SLC36A3: variants seen among roughly 807,000 people sequenced by gnomAD.
SLC36A3 encodes proton-coupled amino acid transporter 3.
SLC36A3 carries 35 observed loss-of-function variants against 44.3 expected under a neutral mutation model. The observed-to-expected ratio is 0.79, with a 90% CI of 0.60 to 1.05. The LOEUF (loss-of-function observed/expected upper bound fraction) is 1.05. Among genes scored for constraint, SLC36A3 ranks in the 50% least tolerant of loss-of-function variants. The probability of loss-of-function intolerance (pLI) is 0.00; values close to 1 mark genes in which losing one functional copy is unlikely to be tolerated. For missense variants in SLC36A3, 540 were observed against 578.7 expected, an observed-to-expected ratio of 0.93 and a Z score of 0.69; for synonymous variants, 211 against 227.6, an observed-to-expected ratio of 0.93 and a Z score of 0.66.
intron 4 of SLC36A3, among the ~76,000 whole-genome samples, chr5:151,290,200 G>T (rs1349262996): frequency 6.6e-6 from 1 of 152,056 alleles, no homozygotes; most frequent in Non-Finnish European, 1.5e-5. Flanking sequence ...ACAAAAATAT[G>T]TTCCTTTACT....
chr5:151,290,313 A>G (rs1037331583), intron 4 of SLC36A3, among the ~76,000 whole-genome samples: 4 of 152,192 alleles, frequency 2.6e-5, no homozygotes, highest in Non-Finnish European at 4.4e-5. Context: ...TGGTTCTCAT[A>G]TCATCCTATT....
rs545153172 is a variant in SLC36A3 at position 151,282,476 on chromosome 5, C to G, written c.975-1293G>C. On this transcript the variant is annotated intron_variant, in intron 8 of 9. Coordinates refer to ENST00000335230, the MANE Select transcript of SLC36A3 (RefSeq NM_181774.4). ...AGCCACCACGCCTGGCTGTCTCACC[C>G]AGTATGTCTTAAAGATTGTTCCCTG... Among the ~76,000 whole-genome samples the G allele has an allele frequency of 1.2e-4, 18 of 152,158 alleles. No homozygotes were observed. The East Asian group carries it at 3.5e-3, about 29-fold the overall frequency.
At chr5:151,294,085 T>TGGGA (rs978301966) in intron 3 of SLC36A3, among the ~76,000 whole-genome samples, 1 of 152,040 alleles carries the variant, frequency 6.6e-6, no homozygotes, top group Non-Finnish European at 1.5e-5. Flanking sequence ...GGGGAACAGG[T>TGGGA]GGGAGAGAGG....
chr5:151,292,153 A>G (rs944274702), intron 4 of SLC36A3, among the ~76,000 whole-genome samples: 70 of 152,092 alleles, frequency 4.6e-4, no homozygotes, highest in African/African-American at 1.6e-3. Context: ...GAGCCACCAC[A>G]CATGGCCAAG....
chr5:151,299,903 G>A (rs1373182938), intron 1 of SLC36A3, among the ~76,000 whole-genome samples: 2 of 152,196 alleles, frequency 1.3e-5, no homozygotes, highest in Non-Finnish European at 2.9e-5. Context: ...TCATATCATT[G>A]TCTCATCATC....
intron 9 of SLC36A3, 92 bp from the exon 10 acceptor site, chr5:151,277,753 C>A (rs1754150144): frequency 6.8e-7 from 1 of 1,478,740 alleles, no homozygotes; most frequent in Non-Finnish European, 9.1e-7. Context: ...ACCTGAGAGA[C>A]CACTTTGGAG....
chr5:151,284,337 TC>T, intron 7 of SLC36A3, 127 bp from the exon 8 acceptor site: 1 of 909,644 alleles, frequency 1.1e-6, no homozygotes, highest in South Asian at 1.7e-5. Flanking sequence ...AAGGGGACTC[TC>T]CACATGGCCA....
chr5:151,301,022 C>T (rs1246914176), intron 1 of SLC36A3, among the ~76,000 whole-genome samples: 1 of 152,246 alleles, frequency 6.6e-6, no homozygotes, highest in Non-Finnish European at 1.5e-5. Context: ...GTTAACCTTT[C>T]TCTTAATGTT....
intron 4 of SLC36A3, among the ~76,000 whole-genome samples, chr5:151,290,061 T>G (rs1348915426): frequency 2.7e-5 from 4 of 146,730 alleles, no homozygotes; most frequent in African/African-American, 1.1e-4. Flanking sequence ...TGTTTTCTCC[T>G]CTTTTTTTTG....
chr5:151,300,963 C>A (rs1755149227), intron 1 of SLC36A3, among the ~76,000 whole-genome samples: 1 of 152,212 alleles, frequency 6.6e-6, no homozygotes, highest in East Asian at 1.9e-4. Context: ...ACATTTCCTC[C>A]ATCACTTGTA....
At position 151,277,151 on chromosome 5, in the gene SLC36A3, T is replaced by A; in HGVS notation, c.*242A>T. The A allele has an allele frequency of 1.9e-6, 1 of 527,474 alleles. No homozygotes were observed. 32.7% of individuals were successfully genotyped at this position (527,474 alleles called of 1,614,324 possible). A position where few individuals can be genotyped will look rare whatever the true frequency, so the allele number is the denominator to read the frequency against. ...TTTCCATAAAATGAGGCTGATAATA[T>A]GAATAGTTGAATCTAATTTTGGTTC... On this transcript the variant is annotated 3_prime_UTR_variant, in exon 10 of 10. Transcript: ENST00000335230.
At chr5:151,284,301 C>T in intron 7 of SLC36A3, 91 bp from the exon 8 acceptor site, 2 of 1,343,634 alleles carry the variant, frequency 1.5e-6, no homozygotes, top group Non-Finnish European at 2.0e-6. Context: ...CACAAATGTC[C>T]TTCCCCAGGT....
At chr5:151,285,666 G>A (rs1754509037) in intron 6 of SLC36A3, among the ~76,000 whole-genome samples, 1 of 152,044 alleles carries the variant, frequency 6.6e-6, no homozygotes. Flanking sequence ...ATGGGATTAA[G>A]GTTTCCAATC....
intron 6 of SLC36A3, 120 bp downstream of exon 6, chr5:151,287,126 G>C: frequency 5.5e-6 from 5 of 907,494 alleles, no homozygotes; most frequent in Non-Finnish European, 8.3e-6. Context: ...TGTTGGCAGG[G>C]GCTGCTCAGA....
intron 7 of SLC36A3, 115 bp downstream of exon 7, chr5:151,284,495 CAGG>C: frequency 1.2e-6 from 1 of 809,554 alleles, no homozygotes; most frequent in Non-Finnish European, 1.9e-6. Flanking sequence ...TTCCCTTCAC[CAGG>C]AGAAGATCAG....
chr5:151,283,777 G>A (rs10040217), intron 8 of SLC36A3, among the ~76,000 whole-genome samples: 5 of 152,230 alleles, frequency 3.3e-5, no homozygotes, highest in African/African-American at 9.6e-5. Flanking sequence ...TAATCCCCAC[G>A]GTCACTGCAT....
Position 151,303,511 on chromosome 5 carries a change from C to T in SLC36A3, c.-157G>A. 1 of 720,694 alleles carries T rather than the reference C, an allele frequency of 1.4e-6. No homozygotes were observed. The highest frequency in any genetic ancestry group is 2.2e-6 in the Non-Finnish European group (1 of 456,450). The allele number at this position is 720,694 out of a possible 1,614,324, so 44.6% of individuals were successfully genotyped here. On this transcript the variant is annotated 5_prime_UTR_variant, in exon 1 of 10. Transcript: ENST00000335230. Reference sequence around the variant, plus strand: ...TGGCTGAAGCCTGAAGTGCATGAATCAGGGAAGCGGTGGTGGCAGGAGAGG... The same window carrying T: ...TGGCTGAAGCCTGAAGTGCATGAATTAGGGAAGCGGTGGTGGCAGGAGAGG...
At position 151,282,824 on chromosome 5, in the gene SLC36A3, T is replaced by C. The variant is rs902487978; in HGVS notation, c.974+1220A>G. ...CTTGCCTAAACAGTGTGTCGATGCA[T>C]GCATCTTTGCCCTTGTATTTATTTT... On this transcript the variant is annotated intron_variant, in intron 8 of 9. Transcript: ENST00000335230. 3.9e-5 allele frequency among the ~76,000 whole-genome samples: 6 copies of C among 152,182 alleles called. 1 individual carries two copies. In the South Asian group the frequency reaches 1.2e-3, roughly 32 times the overall value.
intron 8 of SLC36A3, among the ~76,000 whole-genome samples, chr5:151,281,820 TCAAA>T (rs1253447119): frequency 2.6e-5 from 4 of 152,074 alleles, no homozygotes; most frequent in Non-Finnish European, 2.9e-5. Flanking sequence ...AGACTCCATC[TCAAA>T]CAAACAAACA....
Sources: gnomAD v4.1 joint callset for allele counts (sites outside exome capture counted in the v4.1 genomes callset) on GRCh38, gnomAD v4.1.1 for gene constraint, MANE v1.5 for transcripts, NCBI Gene and HGNC (gene_info 2026-07-23, HGNC 2026-07-21) for gene names.